Variants in NHSL2 observed in about 807,000 individuals in gnomAD.
NHSL2 encodes NHS like 2.
A neutral mutation model predicts 53.4 loss-of-function variants in NHSL2; 27 were observed. The observed-to-expected ratio is 0.51, with a 90% CI of 0.37 to 0.70. The LOEUF is 0.70. NHSL2 is among the 30% of genes least tolerant of loss of function. The pLI is 0.00. For synonymous variants in NHSL2, 408 were observed against 404.1 expected (o/e 1.01, Z -0.12); for missense variants, 892 against 980.1 (o/e 0.91, Z 1.20).
At chrX:71,925,392 C>A (rs1472355933) in intron 1 of NHSL2, among the ~76,000 whole-genome samples, 1 of 109,684 alleles carries the variant, frequency 9.1e-6, no homozygotes, top group African/African-American at 3.3e-5. Context: ...GAGTGACTAA[C>A]AGAGAGAGGG....
intron 1 of NHSL2, among the ~76,000 whole-genome samples, chrX:72,036,164 G>A (rs1345460322): frequency 8.9e-6 from 1 of 112,279 alleles, no homozygotes; most frequent in Non-Finnish European, 1.9e-5. Flanking sequence ...CTTTAGCCAT[G>A]TTTCCAGGGT....
intron 1 of NHSL2, among the ~76,000 whole-genome samples, chrX:72,013,531 T>A (rs1236440445): frequency 9.3e-6 from 1 of 107,760 alleles, no homozygotes; most frequent in Non-Finnish European, 1.9e-5. Flanking sequence ...CTTTTCTTTT[T>A]TCTTCTTTTT....
At chrX:72,041,325 G>A (rs752257083) in intron 1 of NHSL2, among the ~76,000 whole-genome samples, 2 of 111,663 alleles carry the variant, frequency 1.8e-5, no homozygotes, top group South Asian at 7.6e-4. Flanking sequence ...GTACCATAGG[G>A]ATGTGTGCGG....
chrX:72,100,666 T>C (rs1287364187), intron 1 of NHSL2, among the ~76,000 whole-genome samples: 1 of 111,978 alleles, frequency 8.9e-6, no homozygotes, highest in Non-Finnish European at 1.9e-5. Flanking sequence ...CTGTGAGCTG[T>C]GCATGTGAGG....
At chrX:71,985,142 G>A (rs929573256) in intron 1 of NHSL2, among the ~76,000 whole-genome samples, 1 of 111,807 alleles carries the variant, frequency 8.9e-6, no homozygotes, top group Admixed American at 9.5e-5. Flanking sequence ...CTGTTTCATA[G>A]ATGGAATCTC....
intron 1 of NHSL2, among the ~76,000 whole-genome samples, chrX:72,098,279 G>A (rs1483562508): frequency 8.9e-6 from 1 of 112,187 alleles, no homozygotes; most frequent in East Asian, 2.8e-4. Flanking sequence ...CAGAAAGGGA[G>A]GAATAAGAAA....
intron 1 of NHSL2, among the ~76,000 whole-genome samples, chrX:72,055,035 C>G (rs1256030095): frequency 8.9e-6 from 1 of 111,781 alleles, no homozygotes; most frequent in Non-Finnish European, 1.9e-5. Flanking sequence ...TCCTAACCCC[C>G]TTCTTTAGCA....
chrX:71,996,214 T>C (rs1392797252), intron 1 of NHSL2, among the ~76,000 whole-genome samples: 3 of 113,424 alleles, frequency 2.6e-5, no homozygotes, highest in Non-Finnish European at 5.6e-5. Flanking sequence ...CCCCTGGGCA[T>C]GAGGGCAGAG....
chrX:72,018,158 A>T (rs73634902), intron 1 of NHSL2, among the ~76,000 whole-genome samples: 4,584 of 111,489 alleles, frequency 0.041, 74 homozygotes, highest in African/African-American at 0.061. Flanking sequence ...ACTTTCAAGG[A>T]CCTCTATGAG....
chrX:71,963,974 C>CATATATATATATATATATAT (rs377152946), intron 1 of NHSL2, among the ~76,000 whole-genome samples: 1 of 47,968 alleles, frequency 2.1e-5, no homozygotes, highest in Non-Finnish European at 3.4e-5. Context: ...TATATATATA[C>CATATATATATATATATATAT]ATATATATAT....
intron 1 of NHSL2, among the ~76,000 whole-genome samples, chrX:71,924,895 G>A (rs2041676994): frequency 8.9e-6 from 1 of 112,324 alleles, no homozygotes; most frequent in Non-Finnish European, 1.9e-5. Context: ...AAGCCTGTAT[G>A]GGAAAAGGCT....
Position 71,911,216 on chromosome X carries a change from C to T in NHSL2, c.129C>T (p.Leu43=). The T allele has an allele frequency of 8.7e-7, 1 of 1,148,485 alleles. No homozygotes were observed. The highest frequency in any genetic ancestry group is 1.2e-6 in the Non-Finnish European group (1 of 869,181). 94.6% of individuals were successfully genotyped at this position (1,148,485 alleles called of 1,213,427 possible). The stretch of plus-strand genomic sequence containing the variant: ...GCCTGCTCCGGCAGCTCGCCGACCT[C>T]TGTGGCCACTCGTTGGCTCTGCTCG... ...ALSLLRQLAD[L]CGHSLALLED... The change falls in exon 1 of 8, where the codon CTC becomes CTT. Residue 43 remains leucine (L), a synonymous_variant. Coordinates refer to ENST00000633930, the MANE Select transcript of NHSL2 (RefSeq NM_001013627.3).
rs747383415 is a variant in NHSL2, at chrX:72,058,037, G to A, written c.281-74042G>A. 3.6e-5 allele frequency among the ~76,000 whole-genome samples: 4 copies of A among 112,520 alleles called. No individual in the cohort carries two copies. In the South Asian group the frequency reaches 1.5e-3, roughly 41 times the overall value. The stretch of plus-strand genomic sequence containing the variant: ...AGAAAGCACTTCTGCTGCATGCTGA[G>A]TGAGATGGTTGTCTAGAGAAGAGCA... On this transcript the variant is annotated intron_variant, in intron 1 of 7. Coordinates refer to ENST00000633930, the MANE Select transcript of NHSL2 (RefSeq NM_001013627.3).
chrX:71,950,316 A>G (rs1418245835), intron 1 of NHSL2, among the ~76,000 whole-genome samples: 3 of 112,495 alleles, frequency 2.7e-5, no homozygotes, highest in Non-Finnish European at 5.6e-5. Flanking sequence ...AGTGGAAGTA[A>G]CAGTCCCAAT....
At chrX:71,968,560 CT>C (rs946063626) in intron 1 of NHSL2, among the ~76,000 whole-genome samples, 6 of 110,311 alleles carry the variant, frequency 5.4e-5, no homozygotes, top group East Asian at 2.8e-4. Flanking sequence ...ACTTGTCAAT[CT>C]TTTTTTTTGC....
At chrX:72,063,241 A>G (rs771197554) in intron 1 of NHSL2, among the ~76,000 whole-genome samples, 8 of 111,500 alleles carry the variant, frequency 7.2e-5, no homozygotes, top group Non-Finnish European at 1.1e-4. Context: ...CCTCCCCCAA[A>G]CTCACTTTCT....
intron 7 of NHSL2, 39 bp downstream of exon 7, chrX:72,142,403 T>A (rs2147531601): frequency 9.8e-7 from 1 of 1,022,597 alleles, no homozygotes; most frequent in Non-Finnish European, 1.3e-6. Flanking sequence ...GCAATTGCCT[T>A]CCCTTTTTGT....
chrX:71,941,600 A>G (rs956945451), intron 1 of NHSL2, among the ~76,000 whole-genome samples: 1 of 112,208 alleles, frequency 8.9e-6, no homozygotes, highest in Non-Finnish European at 1.9e-5. Flanking sequence ...TGAAAATGAA[A>G]TAAGACAGTA....
At chrX:71,988,446 A>G (rs142252368) in intron 1 of NHSL2, among the ~76,000 whole-genome samples, 2,159 of 111,474 alleles carry the variant, frequency 0.019, 56 homozygotes, top group African/African-American at 0.067. Context: ...CTTTACTGAG[A>G]GGGATCTCCA....
Sources: allele counts gnomAD v4.1 joint callset (sites outside exome capture counted in the v4.1 genomes callset), GRCh38; gene constraint gnomAD v4.1.1; transcripts MANE v1.5; gene names NCBI Gene and HGNC (gene_info 2026-07-23, HGNC 2026-07-21).